PDE1A: variants seen among roughly 807,000 people sequenced by gnomAD.
The protein encoded by PDE1A is dual specificity calcium/calmodulin-dependent 3',5'-cyclic nucleotide phosphodiesterase 1A.
In PDE1A, 35 loss-of-function variants were observed where a neutral mutation model predicts 61.7. The ratio of observed to expected loss-of-function variants is 0.57; its 90% CI spans 0.43 to 0.75. The LOEUF (loss-of-function observed/expected upper bound fraction) is 0.75, where lower values mean the gene tolerates loss of function less well. PDE1A is among the 30% of genes least tolerant of loss of function. The probability of loss-of-function intolerance (pLI) is 0.00; values close to 1 mark genes in which losing one functional copy is unlikely to be tolerated. For synonymous variants in PDE1A, 232 were observed against 213.2 expected, an observed-to-expected ratio of 1.09 and a Z score of -0.77; for missense variants, 597 against 630.6, an observed-to-expected ratio of 0.95 and a Z score of 0.57.
At chr2:182,179,669 C>A (rs574303851) in intron 13 of PDE1A, among the ~76,000 whole-genome samples, 22 of 152,216 alleles carry the variant, frequency 1.4e-4, no homozygotes, top group Non-Finnish European at 2.6e-4. Flanking sequence ...CCTCCTTTCT[C>A]TACCCCCTCC....
chr2:182,471,846 T>C (rs551688398), intron 2 of PDE1A, among the ~76,000 whole-genome samples: 1 of 151,818 alleles, frequency 6.6e-6, no homozygotes, highest in Admixed American at 6.6e-5. Flanking sequence ...TATAAGGAAC[T>C]CAAACAACTC....
chr2:182,455,872 A>G (rs575997792), intron 2 of PDE1A, among the ~76,000 whole-genome samples: 103 of 151,990 alleles, frequency 6.8e-4, no homozygotes, highest in Non-Finnish European at 1.1e-3. Context: ...AAACCTGCAC[A>G]TTGTGCACAT....
chr2:182,638,586 C>A, the PDE1A span, among the ~76,000 whole-genome samples: 1 of 152,164 alleles, frequency 6.6e-6, no homozygotes, highest in African/African-American at 2.4e-5. Context: ...GCTTTCTCTT[C>A]TCCTCCTGAA....
intron 7 of PDE1A, among the ~76,000 whole-genome samples, chr2:182,222,869 C>G (rs966376847): frequency 6.6e-6 from 1 of 152,002 alleles, no homozygotes; most frequent in Non-Finnish European, 1.5e-5. Context: ...CAGGATCCCA[C>G]ACATGTAAAG....
chr2:182,399,826 G>A (rs763902747), intron 1 of PDE1A, among the ~76,000 whole-genome samples: 2 of 151,940 alleles, frequency 1.3e-5, no homozygotes, highest in African/African-American at 2.4e-5. Context: ...TCAGTCTCCT[G>A]TAATGGCAAT....
the PDE1A span, among the ~76,000 whole-genome samples, chr2:182,605,852 T>C: frequency 6.6e-6 from 1 of 152,244 alleles, no homozygotes; most frequent in Non-Finnish European, 1.5e-5. Flanking sequence ...GTACTTGTGA[T>C]GGGAATTACA....
chr2:182,663,144 C>A, the PDE1A span, among the ~76,000 whole-genome samples: 1 of 152,088 alleles, frequency 6.6e-6, no homozygotes, highest in Non-Finnish European at 1.5e-5. Flanking sequence ...CCATCTAACA[C>A]CAGTTAGAAT....
intron 13 of PDE1A, among the ~76,000 whole-genome samples, chr2:182,169,223 T>G (rs1691896642): frequency 6.6e-6 from 1 of 152,106 alleles, no homozygotes; most frequent in Non-Finnish European, 1.5e-5. Context: ...TACCAGACTT[T>G]ACATTGATTC....
chr2:182,379,560 G>C (rs920594944), intron 1 of PDE1A, among the ~76,000 whole-genome samples: 2 of 152,086 alleles, frequency 1.3e-5, no homozygotes. Flanking sequence ...CAGGAATAAA[G>C]CAGTACTCAA....
chr2:182,383,083 AT>A (rs1245916094), intron 1 of PDE1A, among the ~76,000 whole-genome samples: 3 of 152,138 alleles, frequency 2.0e-5, no homozygotes, highest in Non-Finnish European at 4.4e-5. Flanking sequence ...TCTGCAATTA[AT>A]CCCATTCTCC....
intron 2 of PDE1A, among the ~76,000 whole-genome samples, chr2:182,462,170 G>A (rs960748655): frequency 6.6e-6 from 1 of 151,884 alleles, no homozygotes; most frequent in African/African-American, 2.4e-5. Flanking sequence ...TGGGGGGAGC[G>A]GGGAGGGAAA....
At chr2:182,161,779 G>C (rs941855189) in intron 13 of PDE1A, among the ~76,000 whole-genome samples, 3 of 152,134 alleles carry the variant, frequency 2.0e-5, no homozygotes, top group Non-Finnish European at 4.4e-5. Flanking sequence ...TGGATATTAA[G>C]GATGTGGGAT....
chr2:182,245,189 T>G (rs985742548), intron 2 of PDE1A, among the ~76,000 whole-genome samples: 1 of 152,218 alleles, frequency 6.6e-6, no homozygotes. Flanking sequence ...CTTCTTCATT[T>G]AGACTTTATT....
chr2:182,421,925 C>T (rs1703301450), intron 1 of PDE1A, among the ~76,000 whole-genome samples: 3 of 152,120 alleles, frequency 2.0e-5, no homozygotes, highest in Admixed American at 2.0e-4. Flanking sequence ...TATTTCATCC[C>T]ACTGCTTTCT....
At chr2:182,357,003 G>A (rs555920058) in intron 1 of PDE1A, among the ~76,000 whole-genome samples, 5 of 152,036 alleles carry the variant, frequency 3.3e-5, no homozygotes, top group Non-Finnish European at 7.4e-5. Flanking sequence ...GACACAGGAA[G>A]GGGAACATCA....
the PDE1A span, among the ~76,000 whole-genome samples, chr2:182,565,382 G>A: frequency 0.033 from 5,066 of 152,220 alleles, 116 homozygotes; most frequent in Middle Eastern, 0.068. Context: ...TTTGTGAACC[G>A]CAAATGCTGC....
the PDE1A span, among the ~76,000 whole-genome samples, chr2:182,559,493 G>A: frequency 6.6e-6 from 1 of 152,072 alleles, no homozygotes; most frequent in Non-Finnish European, 1.5e-5. Context: ...TGTTGACAAG[G>A]GTATAGAGCA....
At chr2:182,249,690 C>T (rs1054193274) in intron 2 of PDE1A, among the ~76,000 whole-genome samples, 5 of 151,518 alleles carry the variant, frequency 3.3e-5, no homozygotes, top group East Asian at 2.0e-4. Flanking sequence ...CCTATGTCTG[C>T]GTTCTGAGCT....
chr2:182,651,430 T>C, the PDE1A span, among the ~76,000 whole-genome samples: 1 of 152,208 alleles, frequency 6.6e-6, no homozygotes, highest in Non-Finnish European at 1.5e-5. Flanking sequence ...TTTACAAAAT[T>C]TAGTATGATC....
Sources: allele counts gnomAD v4.1 joint callset (sites outside exome capture counted in the v4.1 genomes callset), GRCh38; gene constraint gnomAD v4.1.1; transcripts MANE v1.5; gene names NCBI Gene and HGNC (gene_info 2026-07-23, HGNC 2026-07-21).